FOCAD: variants seen among roughly 807,000 people sequenced by gnomAD.
FOCAD encodes KIAA1797.
Under a neutral mutation model 225.6 loss-of-function variants are expected in FOCAD, and 198 were observed. The ratio of observed to expected loss-of-function variants is 0.88; its 90% CI spans 0.78 to 0.99. FOCAD has a LOEUF of 0.99. Ranked by LOEUF, FOCAD falls within the 50% of genes least tolerant of loss-of-function variation. The pLI is 0.00. For synonymous variants in FOCAD, 897 were observed against 755.0 expected (o/e 1.19, Z -3.08); for missense variants, 2,713 against 2,123.6 (o/e 1.28, Z -5.46).
chr9:20,702,525 G>T lies in FOCAD; in HGVS notation c.-32-12797G>T, dbSNP rs549347159. On this transcript the variant is annotated intron_variant, in intron 1 of 43. Transcript: ENST00000338382. Reference sequence around the variant, plus strand: ...ATGCTTTTGCTTCTTACATAATTAGGCAATTAATTTTGACCTCTCCTTTCC... The same window carrying T: ...ATGCTTTTGCTTCTTACATAATTAGTCAATTAATTTTGACCTCTCCTTTCC... Among the ~76,000 whole-genome samples the T allele has an allele frequency of 3.9e-5, 6 of 152,238 alleles. No homozygotes were observed. In the South Asian group the frequency reaches 1.2e-3, roughly 32 times the overall value.
intron 39 of FOCAD, among the ~76,000 whole-genome samples, chr9:20,985,808 AT>A (rs1040976666): frequency 8.5e-5 from 13 of 152,188 alleles, no homozygotes; most frequent in Non-Finnish European, 1.3e-4. Context: ...TGAAAAAAAA[AT>A]AAACGTCAGT....
intron 1 of FOCAD, among the ~76,000 whole-genome samples, chr9:20,704,540 T>C (rs1055118508): frequency 5.3e-5 from 8 of 152,196 alleles, no homozygotes; most frequent in African/African-American, 1.9e-4. Flanking sequence ...TTCCTAGCAG[T>C]CTACTTGGGG....
intron 11 of FOCAD, among the ~76,000 whole-genome samples, chr9:20,797,575 A>C (rs1484161702): frequency 6.6e-6 from 1 of 152,120 alleles, no homozygotes; most frequent in Non-Finnish European, 1.5e-5. Context: ...TTCTCTTTGA[A>C]GCAATTATGA....
intron 1 of FOCAD, among the ~76,000 whole-genome samples, chr9:20,708,892 C>T (rs1283937995): frequency 6.6e-6 from 1 of 152,120 alleles, no homozygotes; most frequent in Admixed American, 6.5e-5. Flanking sequence ...AAATGTCTGT[C>T]TTCGTCATCA....
At chr9:20,970,329 T>C (rs561079391) in intron 35 of FOCAD, among the ~76,000 whole-genome samples, 2 of 152,268 alleles carry the variant, frequency 1.3e-5, no homozygotes, top group East Asian at 3.9e-4. Flanking sequence ...ATTCCTGTTA[T>C]GCCTACGTTG....
intron 28 of FOCAD, 46 bp downstream of exon 28, chr9:20,933,149 C>G (rs1251354789): frequency 7.8e-7 from 1 of 1,277,582 alleles, no homozygotes; most frequent in South Asian, 1.2e-5. Context: ...AGACATTGCT[C>G]CCTACACTGC....
intron 15 of FOCAD, among the ~76,000 whole-genome samples, chr9:20,825,360 G>C (rs868476570): frequency 2.0e-5 from 3 of 151,950 alleles, no homozygotes; most frequent in South Asian, 2.1e-4. Flanking sequence ...CAGTTATTTT[G>C]TTTTCTAATT....
intron 21 of FOCAD, among the ~76,000 whole-genome samples, chr9:20,900,069 A>T (rs566937682): frequency 1.1e-4 from 17 of 151,806 alleles, no homozygotes; most frequent in Admixed American, 9.9e-4. Flanking sequence ...GGTTTACTTG[A>T]CTCCTGTTGC....
rs550256365 is a variant in FOCAD at position 20,958,197 on chromosome 9, A to G, written c.4132+5132A>G. Among the ~76,000 whole-genome samples the G allele has an allele frequency of 2.6e-5, 4 of 152,338 alleles. No homozygotes were observed. The South Asian group carries it at 6.2e-4, about 24-fold the overall frequency. On this transcript the variant is annotated intron_variant, in intron 35 of 43. Transcript: ENST00000338382. ...TTTATGTAACAGTACTTATAAAACAATATAAAGAATAAATTCCTTCTTTTA... is the reference window on the plus strand; with the variant it reads ...TTTATGTAACAGTACTTATAAAACAGTATAAAGAATAAATTCCTTCTTTTA...
chr9:20,985,333 C>T (rs888765314), intron 39 of FOCAD, among the ~76,000 whole-genome samples: 2 of 152,172 alleles, frequency 1.3e-5, no homozygotes, highest in African/African-American at 4.8e-5. Flanking sequence ...GTTAATAGCA[C>T]TACCAATCTC....
chr9:20,931,710 G>A (rs532962505), intron 27 of FOCAD, among the ~76,000 whole-genome samples: 40 of 152,186 alleles, frequency 2.6e-4, no homozygotes, highest in Non-Finnish European at 4.1e-4. Context: ...ATTTTGGGAG[G>A]CCAAGGCGGG....
At chr9:20,988,118 A>C (rs1393850264) in intron 40 of FOCAD, among the ~76,000 whole-genome samples, 4 of 152,226 alleles carry the variant, frequency 2.6e-5, no homozygotes, top group Non-Finnish European at 4.4e-5. Flanking sequence ...TTGGCTTTTG[A>C]AAATCAAAGA....
intron 1 of FOCAD, among the ~76,000 whole-genome samples, chr9:20,695,778 A>G (rs552004681): frequency 6.6e-6 from 1 of 152,180 alleles, no homozygotes; most frequent in African/African-American, 2.4e-5. Context: ...CCTTACAGGG[A>G]TTGGAAATTG....
rs1313632545 is a variant in FOCAD at position 20,982,348 on chromosome 9, CT to C, written c.4639-6del. 1 of 1,598,436 alleles carries C rather than the reference CT, an allele frequency of 6.3e-7. No individual in the cohort carries two copies. The highest frequency in any genetic ancestry group is 1.1e-5 in the South Asian group (1 of 89,118). On this transcript the variant is annotated splice_polypyrimidine_tract_variant and splice_region_variant and intron_variant, in intron 38 of 43. Coordinates refer to ENST00000338382, the MANE Select transcript of FOCAD (RefSeq NM_001375567.1). ...GTTTGTTGACATGTTTGGGATTTTT[CT>C]TTATCAGAGAAAGGATCTAGAGCTG... is the stretch of plus-strand genomic sequence containing the variant.
intron 15 of FOCAD, among the ~76,000 whole-genome samples, chr9:20,826,218 A>C (rs763922781): frequency 4.6e-5 from 7 of 152,098 alleles, no homozygotes; most frequent in Non-Finnish European, 8.8e-5. Context: ...TGGGAGAGGC[A>C]GGCCCACCCT....
At chr9:20,917,556 A>G (rs1833978363) in intron 24 of FOCAD, among the ~76,000 whole-genome samples, 1 of 152,056 alleles carries the variant, frequency 6.6e-6, no homozygotes, top group Non-Finnish European at 1.5e-5. Flanking sequence ...TGACAAGCTG[A>G]CTAATTGTTC....
chr9:20,686,046 A>G (rs1262654716), intron 1 of FOCAD, among the ~76,000 whole-genome samples: 1 of 152,252 alleles, frequency 6.6e-6, no homozygotes, highest in Non-Finnish European at 1.5e-5. Context: ...TCTTAGCTTC[A>G]TGATACTTTT....
chr9:20,827,512 TTGTG>T (rs949718782), intron 15 of FOCAD, among the ~76,000 whole-genome samples: 2 of 151,736 alleles, frequency 1.3e-5, no homozygotes, highest in Non-Finnish European at 2.9e-5. Flanking sequence ...GTGTGTGTGT[TTGTG>T]TGTATGTATG....
At chr9:20,764,116 C>G (rs1340987729) in intron 6 of FOCAD, among the ~76,000 whole-genome samples, 15 of 152,164 alleles carry the variant, frequency 9.9e-5, no homozygotes, top group Non-Finnish European at 1.5e-5. Context: ...TAAATGTTAA[C>G]TGTCATCATA....
Sources: allele counts gnomAD v4.1 joint callset (sites outside exome capture counted in the v4.1 genomes callset), GRCh38; gene constraint gnomAD v4.1.1; transcripts MANE v1.5; gene names NCBI Gene and HGNC (gene_info 2026-07-23, HGNC 2026-07-21).